The following VEZT variants were observed in gnomAD, a reference collection of about 807,000 sequenced individuals.
VEZT encodes the protein vezatin.
Under a neutral mutation model 79.9 loss-of-function variants are expected in VEZT, and 39 were observed. That is an observed-to-expected ratio of 0.49 (90% CI 0.38 to 0.64). The LOEUF is 0.64. VEZT is among the 30% of genes least tolerant of loss of function. The pLI, the probability that VEZT is intolerant of heterozygous loss-of-function variation, is 0.00. For missense variants in VEZT, 837 were observed against 893.1 expected (o/e 0.94, Z 0.80); for synonymous variants, 325 against 327.6 (o/e 0.99, Z 0.09).
chr12:95,264,791 A>G (rs188061587), intron 4 of VEZT, among the ~76,000 whole-genome samples: 1 of 131,606 alleles, frequency 7.6e-6, no homozygotes, highest in East Asian at 2.1e-4. Context: ...TATGATTATT[A>G]TAACTCTTTC....
intron 1 of VEZT, among the ~76,000 whole-genome samples, chr12:95,230,370 T>A (rs1236975330): frequency 1.3e-5 from 2 of 152,004 alleles, no homozygotes; most frequent in African/African-American, 4.8e-5. Context: ...TTTAATATTA[T>A]CTCATTAAGA....
intron 1 of VEZT, among the ~76,000 whole-genome samples, chr12:95,240,222 C>T (rs2060836850): frequency 6.6e-6 from 1 of 152,080 alleles, no homozygotes; most frequent in Admixed American, 6.6e-5. Context: ...CAAAAGAAAC[C>T]ATTCAGTAAA....
intron 1 of VEZT, among the ~76,000 whole-genome samples, chr12:95,248,663 C>T (rs2062041567): frequency 6.6e-6 from 1 of 151,796 alleles, no homozygotes; most frequent in Non-Finnish European, 1.5e-5. Flanking sequence ...AGTTAGCAGT[C>T]AAGAGTTTGT....
rs7967026 is a variant in VEZT at position 95,221,685 on chromosome 12, A to G, written c.36+3799A>G. On this transcript the variant is annotated intron_variant, in intron 1 of 11. Coordinates refer to ENST00000436874, the MANE Select transcript of VEZT (RefSeq NM_017599.4). The stretch of plus-strand genomic sequence containing the variant: ...TTAACAAAACCCTGCATATTAAAAA[A>G]AAAAAAGAAAAAAATTAACCAGGTG... Among the ~76,000 whole-genome samples, 384 of 152,084 alleles carry G rather than the reference A, an allele frequency of 2.5e-3. 1 individual carries two copies. Among genetic ancestry groups the G allele is most frequent in the African/African-American group, 8.8e-3 (366 of 41,516 alleles).
At chr12:95,226,745 G>A (rs550867142) in intron 1 of VEZT, among the ~76,000 whole-genome samples, 2 of 152,296 alleles carry the variant, frequency 1.3e-5, no homozygotes, top group East Asian at 3.9e-4. Flanking sequence ...GAAGGACTAA[G>A]GGAGGAAAGA....
At position 95,300,497 on chromosome 12, in the gene VEZT, A is replaced by C; in HGVS notation, c.2164A>C (p.Ile722Leu). Residue 722 changes from isoleucine to leucine, a missense_variant, in exon 12 of 12, where the codon ATT (isoleucine) becomes CTT (leucine). Transcript: ENST00000436874. ...PTPRDSLQPSIKQRLARLQLS... is the reference protein window; with the variant it reads ...PTPRDSLQPSLKQRLARLQLS... ...TCCCAGGGACTCATTACAGCCCTCC[A>C]TTAAGCAGAGGCTGGCACGGCTACA... 6.2e-7 allele frequency: 1 copy of C among 1,613,992 alleles called. No individual in the cohort carries two copies. The highest frequency in any genetic ancestry group is 8.5e-7 in the Non-Finnish European group (1 of 1,179,884).
At position 95,300,239 on chromosome 12, in the gene VEZT, A is replaced by C. The variant is rs1264780679; in HGVS notation, c.1906A>C (p.Met636Leu). The stretch of plus-strand genomic sequence containing the variant: ...TTCAGAACCATCAATGAATTCAGAT[A>C]TGGGAAAAGTCAGTAAAAATGATAC... ...SNSEPSMNSD[M>L]GKVSKNDTEE... Residue 636 changes from methionine to leucine, a missense_variant, in exon 12 of 12, where the codon ATG (methionine) becomes CTG (leucine). Coordinates refer to ENST00000436874, the MANE Select transcript of VEZT (RefSeq NM_017599.4). 3.8e-6 allele frequency: 6 copies of C among 1,570,764 alleles called. No homozygotes were observed. The Admixed American group carries it at 5.7e-5, about 15-fold the overall frequency.
At chr12:95,278,491 C>G (rs980171001) in intron 7 of VEZT, among the ~76,000 whole-genome samples, 1 of 152,090 alleles carries the variant, frequency 6.6e-6, no homozygotes, top group African/African-American at 2.4e-5. Context: ...TGTTGAAAAC[C>G]CCTGTAATGT....
In VEZT at chr12:95,296,181, A is replaced by G. The variant is rs2074092275; in HGVS notation, c.1754A>G (p.Glu585Gly). 6.3e-7 allele frequency: 1 copy of G among 1,583,948 alleles called. No homozygotes were observed. Among genetic ancestry groups the G allele is most frequent in the Non-Finnish European group, 8.6e-7 (1 of 1,163,968 alleles). ...EHEESKRVLQ[E>G]LKSVLGFKAS... is the part of the protein sequence containing the mutation. ...GAAGAATCCAAGAGGGTGCTCCAAG[A>G]ATTAAAATCTGTGCTGGGATTTAAA... The change falls in exon 11 of 12, where the codon GAA becomes GGA. Residue 585 changes from glutamate (E) to glycine (G), a missense_variant. Coordinates refer to ENST00000436874, the MANE Select transcript of VEZT (RefSeq NM_017599.4).
At chr12:95,284,046 A>G (rs918013883) in intron 8 of VEZT, among the ~76,000 whole-genome samples, 1 of 150,598 alleles carries the variant, frequency 6.6e-6, no homozygotes, top group Non-Finnish European at 1.5e-5. Context: ...AAGATGGCTC[A>G]GGGAAGAAAG....
chr12:95,219,332 A>G (rs1033591103), intron 1 of VEZT, among the ~76,000 whole-genome samples: 3 of 152,214 alleles, frequency 2.0e-5, no homozygotes, highest in Non-Finnish European at 2.9e-5. Context: ...CCACCACCCA[A>G]AGATGGTAAC....
At chr12:95,290,714 G>C (rs1266374453) in intron 9 of VEZT, 1 of 152,128 alleles carries the variant, frequency 6.6e-6, no homozygotes, top group Non-Finnish European at 1.5e-5. Flanking sequence ...GGCGGCACAT[G>C]TATTGAAATT....
intron 3 of VEZT, among the ~76,000 whole-genome samples, chr12:95,257,524 A>G (rs957876823): frequency 7.9e-5 from 12 of 152,154 alleles, no homozygotes; most frequent in South Asian, 2.1e-4. Context: ...ATCCCTCTCT[A>G]TAGGTAAAGG....
At chr12:95,292,456 C>G (rs998758034) in intron 9 of VEZT, among the ~76,000 whole-genome samples, 2 of 151,840 alleles carry the variant, frequency 1.3e-5, no homozygotes, top group African/African-American at 4.8e-5. Flanking sequence ...AGTTTTTGAG[C>G]ATGTAATCTG....
chr12:95,248,524 G>A (rs991584180), intron 1 of VEZT, among the ~76,000 whole-genome samples: 6 of 152,164 alleles, frequency 3.9e-5, no homozygotes, highest in East Asian at 1.9e-4. Flanking sequence ...GTGACATAAA[G>A]TGGAAAAGGA....
chr12:95,295,810 G>A (rs2074017280), intron 10 of VEZT, among the ~76,000 whole-genome samples: 1 of 152,164 alleles, frequency 6.6e-6, no homozygotes, highest in African/African-American at 2.4e-5. Flanking sequence ...AACTACTGAA[G>A]TTGTTAAACT....
In VEZT at chr12:95,300,147, C is replaced by CTT. The variant is rs749977465; in HGVS notation, c.1832-10_1832-9dup. The CTT allele has an allele frequency of 2.1e-5, 28 of 1,326,866 alleles. 1 individual carries two copies. The highest frequency in any genetic ancestry group is 2.6e-5 in the Non-Finnish European group (27 of 1,021,468). 82.2% of individuals were successfully genotyped at this position (1,326,866 alleles called of 1,614,324 possible). A position where few individuals can be genotyped will look rare whatever the true frequency, so the allele number is the denominator to read the frequency against. ...TCCTTAGTTATTTTTTTTCTTTTTT[C>CTT]TTTTTTTTTATTTGAAGCCGTGTTG... On this transcript the variant is annotated splice_polypyrimidine_tract_variant and intron_variant, in intron 11 of 11. Transcript: ENST00000436874.
chr12:95,239,345 G>A (rs2060586799), intron 1 of VEZT, among the ~76,000 whole-genome samples: 1 of 152,208 alleles, frequency 6.6e-6, no homozygotes, highest in Admixed American at 6.5e-5. Flanking sequence ...AAAGTAACTA[G>A]TGCCTGACAC....
intron 1 of VEZT, among the ~76,000 whole-genome samples, chr12:95,251,693 C>T (rs1303559273): frequency 6.6e-6 from 1 of 151,746 alleles, no homozygotes; most frequent in African/African-American, 2.4e-5. Flanking sequence ...CTGGTACTCA[C>T]TCAAAAAAAA....
Sources: allele counts gnomAD v4.1 joint callset (sites outside exome capture counted in the v4.1 genomes callset), GRCh38; gene constraint gnomAD v4.1.1; transcripts MANE v1.5; gene names NCBI Gene and HGNC (gene_info 2026-07-23, HGNC 2026-07-21).